The following SLC10A7 variants were observed in gnomAD, a reference collection of about 807,000 sequenced individuals.
The protein encoded by SLC10A7 is solute carrier family 10 member 7.
SLC10A7 carries 29 observed loss-of-function variants against 43.2 expected under a neutral mutation model. That is an observed-to-expected ratio of 0.67 (90% CI 0.50 to 0.92). The LOEUF (loss-of-function observed/expected upper bound fraction) is 0.92. SLC10A7 is among the 40% of genes least tolerant of loss of function. The probability of loss-of-function intolerance (pLI) is 0.00; values close to 1 mark genes in which losing one functional copy is unlikely to be tolerated. For synonymous variants in SLC10A7, 152 were observed against 144.8 expected (o/e 1.05, Z -0.35); for missense variants, 295 against 403.2 (o/e 0.73, Z 2.30).
chr4:146,279,894 G>A (rs549206091), intron 10 of SLC10A7, among the ~76,000 whole-genome samples: 2 of 152,190 alleles, frequency 1.3e-5, no homozygotes, highest in South Asian at 4.1e-4. Context: ...AATGGCAAAT[G>A]CACTAATAAA....
chr4:146,426,087 T>A (rs1729331838), intron 5 of SLC10A7, among the ~76,000 whole-genome samples: 1 of 152,218 alleles, frequency 6.6e-6, no homozygotes, highest in Non-Finnish European at 1.5e-5. Context: ...ATGATTAATG[T>A]GAGTCTATTC....
chr4:146,511,224 G>T (rs1737436137), intron 2 of SLC10A7, among the ~76,000 whole-genome samples: 1 of 152,130 alleles, frequency 6.6e-6, no homozygotes, highest in Admixed American at 6.5e-5. Context: ...ACTAAAAAAG[G>T]ATAATTAGTT....
chr4:146,360,264 G>T (rs572811288), intron 5 of SLC10A7, among the ~76,000 whole-genome samples: 1 of 151,894 alleles, frequency 6.6e-6, no homozygotes, highest in South Asian at 2.1e-4. Flanking sequence ...CCAAACTCCA[G>T]TCTAGCCCTG....
At chr4:146,300,663 A>T (rs1731099440) in intron 7 of SLC10A7, among the ~76,000 whole-genome samples, 1 of 152,250 alleles carries the variant, frequency 6.6e-6, no homozygotes, top group Non-Finnish European at 1.5e-5. Context: ...GGCCAGTTAC[A>T]GCACAGTTCA....
chr4:146,382,201 T>C (rs1408814793), intron 5 of SLC10A7, among the ~76,000 whole-genome samples: 5 of 152,162 alleles, frequency 3.3e-5, no homozygotes, highest in Non-Finnish European at 7.4e-5. Flanking sequence ...TGTTACAAAA[T>C]AACACTTATG....
chr4:146,487,656 T>C (rs1471001023), intron 4 of SLC10A7, among the ~76,000 whole-genome samples: 2 of 152,194 alleles, frequency 1.3e-5, no homozygotes, highest in Non-Finnish European at 2.9e-5. Flanking sequence ...TTTGGACAAG[T>C]CATCTCACCT....
chr4:146,442,740 A>G, intron 5 of SLC10A7, 43 bp downstream of exon 5: 1 of 1,595,446 alleles, frequency 6.3e-7, no homozygotes, highest in African/African-American at 1.4e-5. Context: ...ACACAATATC[A>G]CAGCAAAAGT....
chr4:146,419,452 C>G (rs1431757044), intron 5 of SLC10A7, among the ~76,000 whole-genome samples: 1 of 152,178 alleles, frequency 6.6e-6, no homozygotes, highest in African/African-American at 2.4e-5. Context: ...TGACATTGAT[C>G]TATGTGTTCC....
At chr4:146,467,196 G>T (rs1444550849) in intron 4 of SLC10A7, among the ~76,000 whole-genome samples, 1 of 151,986 alleles carries the variant, frequency 6.6e-6, no homozygotes, top group East Asian at 1.9e-4. Flanking sequence ...CATCTTCAGG[G>T]TCTGTTTGTA....
At chr4:146,349,022 C>A (rs1417222759) in intron 5 of SLC10A7, among the ~76,000 whole-genome samples, 1 of 152,160 alleles carries the variant, frequency 6.6e-6, no homozygotes, top group Non-Finnish European at 1.5e-5. Context: ...ATTTGCTGAT[C>A]ATTCACTGAG....
chr4:146,510,622 G>C (rs1211199605), intron 2 of SLC10A7, among the ~76,000 whole-genome samples: 2 of 152,070 alleles, frequency 1.3e-5, no homozygotes, highest in Non-Finnish European at 2.9e-5. Flanking sequence ...TAACAAATCA[G>C]ATGTGTAAAA....
intron 5 of SLC10A7, among the ~76,000 whole-genome samples, chr4:146,406,911 A>C (rs568267218): frequency 8.5e-4 from 130 of 152,266 alleles, no homozygotes; most frequent in African/African-American, 3.1e-3. Flanking sequence ...TGAATCAGGG[A>C]GGTGGAGGTT....
At chr4:146,433,309 A>ATGCT (rs2149874167) in intron 5 of SLC10A7, among the ~76,000 whole-genome samples, 1 of 151,344 alleles carries the variant, frequency 6.6e-6, no homozygotes, top group Admixed American at 6.6e-5. Flanking sequence ...TTACAGGCAC[A>ATGCT]TGCTACCATG....
intron 5 of SLC10A7, among the ~76,000 whole-genome samples, chr4:146,397,297 T>C (rs549493860): frequency 6.6e-6 from 1 of 152,290 alleles, no homozygotes; most frequent in African/African-American, 2.4e-5. Flanking sequence ...TTGCACACTA[T>C]ATGTCAACTA....
intron 5 of SLC10A7, among the ~76,000 whole-genome samples, chr4:146,362,980 C>G (rs1736153503): frequency 6.6e-6 from 1 of 151,692 alleles, no homozygotes; most frequent in Non-Finnish European, 1.5e-5. Context: ...CCAGAAAACA[C>G]ATAATAAAAA....
intron 6 of SLC10A7, among the ~76,000 whole-genome samples, chr4:146,320,948 C>T (rs2149700464): frequency 6.6e-6 from 1 of 152,096 alleles, no homozygotes; most frequent in Admixed American, 6.6e-5. Flanking sequence ...AATCAGAGGA[C>T]AGGTTTTGAT....
At chr4:146,503,634 C>T (rs1057056653) in intron 4 of SLC10A7, among the ~76,000 whole-genome samples, 1 of 152,194 alleles carries the variant, frequency 6.6e-6, no homozygotes, top group Non-Finnish European at 1.5e-5. Context: ...CTATTTCACT[C>T]ATTTCCCTTG....
intron 11 of SLC10A7, 141 bp from the exon 12 acceptor site, chr4:146,256,661 T>C (rs1727903681): frequency 1.9e-6 from 2 of 1,068,896 alleles, no homozygotes; most frequent in Non-Finnish European, 2.8e-6. Flanking sequence ...AATCCAAACC[T>C]CTGGATACAA....
intron 10 of SLC10A7, among the ~76,000 whole-genome samples, chr4:146,268,443 AAG>A (rs1473858100): frequency 2.0e-5 from 3 of 152,330 alleles, no homozygotes; most frequent in South Asian, 2.1e-4. Context: ...CTTTAGAAAA[AAG>A]AGAGCATTAT....
Sources: gnomAD v4.1 joint callset for allele counts (sites outside exome capture counted in the v4.1 genomes callset) on GRCh38, gnomAD v4.1.1 for gene constraint, MANE v1.5 for transcripts, NCBI Gene and HGNC (gene_info 2026-07-23, HGNC 2026-07-21) for gene names.